The following ANK2 variants were observed in gnomAD, a reference collection of about 807,000 sequenced individuals.
ANK2 encodes ankyrin-2.
In ANK2, 83 loss-of-function variants were observed where a neutral mutation model predicts 360.5. The ratio of observed to expected loss-of-function variants is 0.23; its 90% CI spans 0.19 to 0.28. The LOEUF (loss-of-function observed/expected upper bound fraction) is 0.28, where lower values mean the gene tolerates loss of function less well. Among genes scored for constraint, ANK2 ranks in the 10% least tolerant of loss-of-function variants. ANK2 has a pLI of 1.00. For missense variants in ANK2, 4,201 were observed against 4,795.7 expected (o/e 0.88, Z 3.66); for synonymous variants, 1,740 against 1,759.5 (o/e 0.99, Z 0.28).
chr4:112,900,354 C>CT (rs2082949822), intron 1 of ANK2, among the ~76,000 whole-genome samples: 1 of 152,032 alleles, frequency 6.6e-6, no homozygotes, highest in Admixed American at 6.6e-5. Context: ...TCAAACCTGC[C>CT]TTTTTTTCTC....
chr4:113,121,388 A>G (rs913237509), intron 1 of ANK2, among the ~76,000 whole-genome samples: 1 of 152,168 alleles, frequency 6.6e-6, no homozygotes, highest in Non-Finnish European at 1.5e-5. Context: ...TATTCCACCA[A>G]TGCTTCAATT....
intron 1 of ANK2, among the ~76,000 whole-genome samples, chr4:112,894,664 C>T (rs890158073): frequency 3.3e-5 from 5 of 152,246 alleles, no homozygotes; most frequent in Admixed American, 1.3e-4. Flanking sequence ...GAATCCATGT[C>T]ATTTTTTATT....
intron 2 of ANK2, among the ~76,000 whole-genome samples, chr4:113,025,120 A>G (rs1431164623): frequency 6.6e-6 from 1 of 151,916 alleles, no homozygotes; most frequent in Non-Finnish European, 1.5e-5. Flanking sequence ...AGTTCTCCTT[A>G]ATAGTCTTCT....
chr4:112,791,527 T>A, the ANK2 span, among the ~76,000 whole-genome samples: 1 of 141,296 alleles, frequency 7.1e-6, no homozygotes, highest in Non-Finnish European at 1.5e-5. Context: ...CTGGCTCTGT[T>A]GCCCAGGCTG....
chr4:112,939,825 T>C (rs1171543175), intron 2 of ANK2, among the ~76,000 whole-genome samples: 2 of 152,184 alleles, frequency 1.3e-5, no homozygotes, highest in African/African-American at 4.8e-5. Flanking sequence ...TTATGAGCTA[T>C]TACTATAAGT....
chr4:113,339,084 T>G, intron 31 of ANK2, 142 bp from the exon 32 acceptor site: 1 of 707,002 alleles, frequency 1.4e-6, no homozygotes, highest in Non-Finnish European at 2.5e-6. Context: ...TTTTTTAGCA[T>G]GTAGATTTTA....
At chr4:113,061,030 G>A (rs557950759) in intron 1 of ANK2, among the ~76,000 whole-genome samples, 8 of 152,152 alleles carry the variant, frequency 5.3e-5, no homozygotes, top group African/African-American at 1.9e-4. Context: ...CCTCTTTCCA[G>A]TTGTTAAAGA....
chr4:112,755,614 T>A, the ANK2 span, among the ~76,000 whole-genome samples: 1 of 152,084 alleles, frequency 6.6e-6, no homozygotes. Context: ...AAAGTACATT[T>A]ATCAGGGTGG....
chr4:112,900,656 A>G (rs2083060681), intron 1 of ANK2, among the ~76,000 whole-genome samples: 1 of 152,162 alleles, frequency 6.6e-6, no homozygotes, highest in African/African-American at 2.4e-5. Flanking sequence ...ACCCAACTTA[A>G]CACTTTCCTT....
intron 1 of ANK2, among the ~76,000 whole-genome samples, chr4:113,073,968 G>A (rs753728475): frequency 1.3e-5 from 2 of 152,186 alleles, no homozygotes; most frequent in Non-Finnish European, 2.9e-5. Flanking sequence ...GGAGAAAAGT[G>A]CTTTTCTGAA....
At chr4:113,349,131 A>G (rs2095213279) in intron 36 of ANK2, among the ~76,000 whole-genome samples, 1 of 152,142 alleles carries the variant, frequency 6.6e-6, no homozygotes, top group Non-Finnish European at 1.5e-5. Flanking sequence ...TACATTATTG[A>G]TGAAGAAAGC....
intron 13 of ANK2, 86 bp downstream of exon 13, chr4:113,258,497 T>C: frequency 7.5e-7 from 1 of 1,331,980 alleles, no homozygotes; most frequent in Admixed American, 1.7e-5. Flanking sequence ...TGTTTGCGTG[T>C]ATGTCATCGA....
At chr4:113,047,003 C>T (rs952405134), upstream of ANK2, among the ~76,000 whole-genome samples, 13 of 152,192 alleles carry the variant, frequency 8.5e-5, no homozygotes, top group African/African-American at 2.7e-4. Flanking sequence ...GATTGAAAAA[C>T]GTGTTCTGAC....
At chr4:112,883,471 T>C (rs2077372867) in intron 1 of ANK2, among the ~76,000 whole-genome samples, 1 of 152,188 alleles carries the variant, frequency 6.6e-6, no homozygotes, top group African/African-American at 2.4e-5. Context: ...AGATGAAACA[T>C]ATTTGAAAAC....
At chr4:112,716,000 T>C in the ANK2 span, among the ~76,000 whole-genome samples, 281 of 152,344 alleles carry the variant, frequency 1.8e-3, 2 homozygotes, top group African/African-American at 6.5e-3. Context: ...TGGTTTATAC[T>C]AAATGATTTT....
intron 1 of ANK2, among the ~76,000 whole-genome samples, chr4:112,860,760 A>C (rs949969684): frequency 1.3e-5 from 2 of 152,014 alleles, no homozygotes; most frequent in Non-Finnish European, 2.9e-5. Flanking sequence ...TTTTAATATT[A>C]CTTTTTTTTT....
chr4:113,218,000 C>T (rs998134203), intron 4 of ANK2, among the ~76,000 whole-genome samples: 1 of 152,220 alleles, frequency 6.6e-6, no homozygotes, highest in Non-Finnish European at 1.5e-5. Context: ...CCTGCTCTAA[C>T]TGCCTAGCAG....
At chr4:113,050,341 T>G (rs2066390518) in intron 1 of ANK2, among the ~76,000 whole-genome samples, 1 of 152,194 alleles carries the variant, frequency 6.6e-6, no homozygotes, top group African/African-American at 2.4e-5. Context: ...TTCTTTGGCT[T>G]GCTTAGCTCC....
chr4:112,796,588 A>C, the ANK2 span, among the ~76,000 whole-genome samples: 20 of 151,588 alleles, frequency 1.3e-4, no homozygotes, highest in African/African-American at 4.6e-4. Flanking sequence ...GGCCTCAAGC[A>C]ATCCTCTCAC....
Sources: allele counts gnomAD v4.1 joint callset (sites outside exome capture counted in the v4.1 genomes callset), GRCh38; gene constraint gnomAD v4.1.1; transcripts MANE v1.5; gene names NCBI Gene and HGNC (gene_info 2026-07-23, HGNC 2026-07-21).